Variants in MIGA1 observed in about 807,000 individuals in gnomAD.
MIGA1 encodes the protein mitoguardin 1, also known as family with sequence similarity 73, member A.
Under a neutral mutation model 82.0 loss-of-function variants are expected in MIGA1, and 58 were observed. That is an observed-to-expected ratio of 0.71 (90% confidence interval 0.57 to 0.88). MIGA1 has a LOEUF of 0.88. Among genes scored for constraint, MIGA1 ranks in the 40% least tolerant of loss-of-function variants. The pLI is 0.00. For synonymous variants in MIGA1, 249 were observed against 253.6 expected (o/e 0.98, Z 0.17); for missense variants, 751 against 749.1 (o/e 1.00, Z -0.03).
Position 77,875,323 on chromosome 1 carries a change from T to C in MIGA1, c.*259T>C. On this transcript the variant is annotated 3_prime_UTR_variant, in exon 16 of 16. Transcript: ENST00000370791. ...ATGAAATGTATATTTTACAGAAATA[T>C]CGCTTGAATTGAAGCCAATATTTGG... 1 of 350,044 alleles carries C rather than the reference T, an allele frequency of 2.9e-6. No individual in the cohort carries two copies. The highest frequency in any genetic ancestry group is 5.2e-6 in the Non-Finnish European group (1 of 192,394). The allele number at this position is 350,044 out of a possible 1,614,324, so 21.7% of individuals were successfully genotyped here. A position where few individuals can be genotyped will look rare whatever the true frequency, so the allele number is the denominator to read the frequency against.
chr1:77,846,505 A>T lies in MIGA1; in HGVS notation c.996+3098A>T, dbSNP rs192090734. 4.4e-3 allele frequency among the ~76,000 whole-genome samples: 669 copies of T among 151,942 alleles called. 4 individuals are homozygous for T. Among genetic ancestry groups the T allele is most frequent in the East Asian group, 9.9e-3 (51 of 5,162 alleles). On this transcript the variant is annotated intron_variant, in intron 8 of 15. Coordinates refer to ENST00000370791, the MANE Select transcript of MIGA1 (RefSeq NM_198549.4). ...TAAAAAGAAAATTTTATTTAAAAAA[A>T]TTTTTTTAAATAGAGGTGGGGTCTT... is the stretch of plus-strand genomic sequence containing the variant.
At chr1:77,785,690 G>A (rs547426345) in intron 2 of MIGA1, among the ~76,000 whole-genome samples, 3 of 152,174 alleles carry the variant, frequency 2.0e-5, no homozygotes, top group Non-Finnish European at 4.4e-5. Context: ...TTGACTCCAT[G>A]TCTCACATCC....
At chr1:77,802,384 A>C (rs1261442172) in intron 3 of MIGA1, among the ~76,000 whole-genome samples, 2 of 152,180 alleles carry the variant, frequency 1.3e-5, no homozygotes, top group African/African-American at 4.8e-5. Context: ...ATTCTACATA[A>C]AGAAAACTGA....
At chr1:77,858,698 A>G (rs1415014042) in intron 8 of MIGA1, among the ~76,000 whole-genome samples, 1 of 152,108 alleles carries the variant, frequency 6.6e-6, no homozygotes, top group African/African-American at 2.4e-5. Flanking sequence ...AGCTCACTAC[A>G]ACTTCAACCT....
chr1:77,872,510 A>C (rs974648228), intron 14 of MIGA1, among the ~76,000 whole-genome samples: 18 of 152,204 alleles, frequency 1.2e-4, no homozygotes, highest in African/African-American at 3.9e-4. Flanking sequence ...TTGAGGTGGG[A>C]GGATCACTCA....
At chr1:77,869,197 G>A (rs1260422281) in intron 14 of MIGA1, among the ~76,000 whole-genome samples, 25 of 141,780 alleles carry the variant, frequency 1.8e-4, no homozygotes, top group African/African-American at 2.6e-4. Context: ...ATCTTGCACC[G>A]CCCTTAATCC....
intron 8 of MIGA1, among the ~76,000 whole-genome samples, chr1:77,844,197 C>G (rs867062442): frequency 6.8e-5 from 10 of 147,822 alleles, no homozygotes; most frequent in Admixed American, 6.1e-4. Context: ...CACACACATA[C>G]ACACATTCAC....
intron 2 of MIGA1, among the ~76,000 whole-genome samples, chr1:77,791,258 A>AAC (rs1553210100): frequency 7.3e-5 from 11 of 150,606 alleles, no homozygotes; most frequent in Non-Finnish European, 1.5e-4. Context: ...AAAAAAAAAA[A>AAC]AAAAAAACAA....
At chr1:77,869,614 C>A (rs1158309178) in intron 14 of MIGA1, among the ~76,000 whole-genome samples, 2 of 138,050 alleles carry the variant, frequency 1.4e-5, no homozygotes, top group Non-Finnish European at 3.2e-5. Context: ...GCTGGCCAGG[C>A]AGAGGGGTCC....
At chr1:77,805,205 C>T (rs1177477383) in intron 4 of MIGA1, among the ~76,000 whole-genome samples, 1 of 151,674 alleles carries the variant, frequency 6.6e-6, no homozygotes, top group Non-Finnish European at 1.5e-5. Context: ...CCGTGTTAGC[C>T]AGGATGGTCT....
chr1:77,779,747 A>AGGGGC lies in MIGA1; in HGVS notation c.81+16_81+20dup. ...GGCCTGGAGCTCCAGGTACAGGGCC[A>AGGGGC]GGGGCGGGGTGGGGTGGAGAGGCGG... On this transcript the variant is annotated intron_variant, in intron 1 of 15. Coordinates refer to ENST00000370791, the MANE Select transcript of MIGA1 (RefSeq NM_198549.4). 2 of 1,134,854 alleles carry AGGGGC rather than the reference A, an allele frequency of 1.8e-6. No individual in the cohort carries two copies. Among genetic ancestry groups the AGGGGC allele is most frequent in the Non-Finnish European group, 1.2e-6 (1 of 823,182 alleles). 70.3% of individuals were successfully genotyped at this position (1,134,854 alleles called of 1,614,324 possible). A position where few individuals can be genotyped will look rare whatever the true frequency, so the allele number is the denominator to read the frequency against.
At chr1:77,828,888 G>T (rs1039880450) in intron 7 of MIGA1, among the ~76,000 whole-genome samples, 1 of 152,008 alleles carries the variant, frequency 6.6e-6, no homozygotes, top group Non-Finnish European at 1.5e-5. Context: ...TATTTCACAG[G>T]CTGGGCTCGA....
chr1:77,851,493 C>G (rs1002331351), intron 8 of MIGA1, among the ~76,000 whole-genome samples: 3 of 152,032 alleles, frequency 2.0e-5, no homozygotes, highest in Non-Finnish European at 2.9e-5. Context: ...CCTTTTAAAA[C>G]ATGTTTGGGA....
At chr1:77,782,513 A>G (rs1190080807) in intron 1 of MIGA1, among the ~76,000 whole-genome samples, 1 of 152,182 alleles carries the variant, frequency 6.6e-6, no homozygotes, top group Non-Finnish European at 1.5e-5. Flanking sequence ...TTTGTTTAAC[A>G]TGTGTTCAAC....
intron 3 of MIGA1, among the ~76,000 whole-genome samples, chr1:77,802,331 G>A (rs1682918922): frequency 6.6e-6 from 1 of 152,112 alleles, no homozygotes; most frequent in African/African-American, 2.4e-5. Context: ...TAACCTTACA[G>A]CAATCCTGTG....
At chr1:77,797,959 G>A (rs1247551291) in intron 2 of MIGA1, among the ~76,000 whole-genome samples, 2 of 151,772 alleles carry the variant, frequency 1.3e-5, no homozygotes, top group Non-Finnish European at 2.9e-5. Context: ...TTTTGTACTG[G>A]CTAGTACTTC....
intron 7 of MIGA1, among the ~76,000 whole-genome samples, chr1:77,825,322 T>C (rs1683989509): frequency 6.6e-6 from 1 of 152,166 alleles, no homozygotes; most frequent in East Asian, 1.9e-4. Flanking sequence ...GTTTCTCTTA[T>C]AGGAATATAG....
chr1:77,837,831 A>G (rs1410255296), intron 7 of MIGA1, among the ~76,000 whole-genome samples: 1 of 152,196 alleles, frequency 6.6e-6, no homozygotes, highest in Non-Finnish European at 1.5e-5. Flanking sequence ...TTGGCATTAT[A>G]CACTACTACT....
intron 2 of MIGA1, among the ~76,000 whole-genome samples, chr1:77,793,038 G>A (rs909187386): frequency 7.2e-5 from 11 of 151,956 alleles, no homozygotes; most frequent in African/African-American, 1.2e-4. Context: ...TGATCTGCCC[G>A]CCTCAGCCTC....
Sources: allele counts gnomAD v4.1 joint callset (sites outside exome capture counted in the v4.1 genomes callset), GRCh38; gene constraint gnomAD v4.1.1; transcripts MANE v1.5; gene names NCBI Gene and HGNC (gene_info 2026-07-23, HGNC 2026-07-21).